The following SLC38A1 variants were observed in gnomAD, a reference collection of about 807,000 sequenced individuals.
SLC38A1 encodes sodium-coupled neutral amino acid symporter 1.
A neutral mutation model predicts 60.3 loss-of-function variants in SLC38A1; 18 were observed. The observed-to-expected ratio is 0.30, with a 90% CI of 0.21 to 0.44. SLC38A1 has a LOEUF of 0.44. SLC38A1 is among the 20% of genes least tolerant of loss of function. SLC38A1 has a pLI of 1.00. For missense variants in SLC38A1, 448 were observed against 587.2 expected (o/e 0.76, Z 2.45); for synonymous variants, 196 against 212.1 (o/e 0.92, Z 0.66).
intron 1 of SLC38A1, among the ~76,000 whole-genome samples, chr12:46,250,353 T>A (rs1941791806): frequency 1.3e-5 from 2 of 152,146 alleles, no homozygotes; most frequent in South Asian, 4.1e-4. Flanking sequence ...TAACAAGAGC[T>A]ATTTATGACA....
At chr12:46,249,566 T>A (rs1565792027) in intron 1 of SLC38A1, among the ~76,000 whole-genome samples, 2 of 152,100 alleles carry the variant, frequency 1.3e-5, no homozygotes, top group Non-Finnish European at 2.9e-5. Context: ...TTTGAAAAGA[T>A]CATCACAATT....
intron 16 of SLC38A1, chr12:46,197,506 C>CA (rs911108723): frequency 1.3e-3 from 513 of 409,824 alleles, no homozygotes; most frequent in East Asian, 2.5e-3. Context: ...GACTCCATCT[C>CA]AAAAAAAAAG....
intron 5 of SLC38A1, among the ~76,000 whole-genome samples, chr12:46,211,676 T>A (rs1940178255): frequency 6.6e-6 from 1 of 152,130 alleles, no homozygotes; most frequent in Admixed American, 6.5e-5. Flanking sequence ...TAGGGAAGAT[T>A]TTAGTAGTGT....
chr12:46,254,419 C>G (rs1941956574), intron 1 of SLC38A1, among the ~76,000 whole-genome samples: 1 of 152,206 alleles, frequency 6.6e-6, no homozygotes, highest in South Asian at 2.1e-4. Flanking sequence ...CTTTATTATA[C>G]TTGGCCTGAT....
At chr12:46,226,865 C>T (rs1304784910) in intron 5 of SLC38A1, among the ~76,000 whole-genome samples, 2 of 152,038 alleles carry the variant, frequency 1.3e-5, no homozygotes, top group African/African-American at 2.4e-5. Flanking sequence ...GGTGATCCAC[C>T]GGCCTCAGCC....
rs375584134 is a variant in SLC38A1, at chr12:46,203,042, C to T, written c.870G>A (p.Pro290=). 1.3e-5 allele frequency: 21 copies of T among 1,613,766 alleles called. No individual in the cohort carries two copies. The highest frequency in any genetic ancestry group is 4.5e-5 in the East Asian group (2 of 44,856). The change falls in exon 12 of 17, where the codon CCG becomes CCA. Residue 290 remains proline (P), a synonymous_variant. Coordinates refer to ENST00000398637, the MANE Select transcript of SLC38A1 (RefSeq NM_030674.4). ...GCTCACTGTAAATTGGCAGGACTGA[C>T]GGGTGGCAAACAAATGCAAATGCAA... ...PTIAFAFVCH[P]SVLPIYSELK...
chr12:46,265,097 T>G (rs1193795916), intron 1 of SLC38A1, among the ~76,000 whole-genome samples: 1 of 152,240 alleles, frequency 6.6e-6, no homozygotes, highest in Non-Finnish European at 1.5e-5. Flanking sequence ...ATGCTAACAC[T>G]ATACCAAATA....
intron 5 of SLC38A1, among the ~76,000 whole-genome samples, chr12:46,219,310 A>AAAAGAAACT (rs1940554021): frequency 6.6e-6 from 1 of 152,210 alleles, no homozygotes; most frequent in Admixed American, 6.5e-5. Flanking sequence ...AATTTTGCAA[A>AAAAGAAACT]GGCAGTTTCA....
chr12:46,211,240 A>G (rs1940157297), intron 5 of SLC38A1, among the ~76,000 whole-genome samples: 1 of 152,206 alleles, frequency 6.6e-6, no homozygotes, highest in African/African-American at 2.4e-5. Flanking sequence ...CTAGTGGAGT[A>G]AAATGAGTGA....
chr12:46,229,179 C>T lies in SLC38A1; in HGVS notation c.288G>A (p.Leu96=). ...GAAAAAGTAGGATTCCAGTGTTTGC[C>T]AGGGCAAAGGCGAGTCCCAAAATCC... is the stretch of plus-strand genomic sequence containing the variant. ...GSGILGLAFA[L]ANTGILLFLV... is the part of the protein sequence containing the mutation. Residue 96 remains leucine (L), a synonymous_variant, in exon 5 of 17, where the codon CTG becomes CTA. Coordinates refer to ENST00000398637, the MANE Select transcript of SLC38A1 (RefSeq NM_030674.4). 6.2e-7 allele frequency: 1 copy of T among 1,612,684 alleles called. No homozygotes were observed. The highest frequency in any genetic ancestry group is 8.5e-7 in the Non-Finnish European group (1 of 1,179,178).
chr12:46,234,462 T>G (rs1274745856), intron 3 of SLC38A1, among the ~76,000 whole-genome samples: 3 of 151,016 alleles, frequency 2.0e-5, no homozygotes, highest in Admixed American at 6.6e-5. Flanking sequence ...TTTTTTTTTT[T>G]GTTGAGACGG....
chr12:46,223,020 G>A (rs1565773071), intron 5 of SLC38A1, among the ~76,000 whole-genome samples: 2 of 152,090 alleles, frequency 1.3e-5, no homozygotes, highest in Admixed American at 1.3e-4. Context: ...CATTATATTG[G>A]AAAGTAAAAG....
chr12:46,265,551 T>C (rs1942326344), intron 1 of SLC38A1, among the ~76,000 whole-genome samples: 2 of 152,072 alleles, frequency 1.3e-5, no homozygotes, highest in South Asian at 4.1e-4. Flanking sequence ...AAAGAAAATA[T>C]CAAGAGAAAA....
intron 1 of SLC38A1, among the ~76,000 whole-genome samples, chr12:46,250,659 T>C (rs908849832): frequency 6.6e-6 from 1 of 152,154 alleles, no homozygotes; most frequent in African/African-American, 2.4e-5. Flanking sequence ...ACAAAATCAA[T>C]GTGCAAAAAT....
intron 1 of SLC38A1, among the ~76,000 whole-genome samples, chr12:46,261,467 G>T (rs1324121648): frequency 6.6e-6 from 1 of 152,154 alleles, no homozygotes; most frequent in Non-Finnish European, 1.5e-5. Flanking sequence ...GTAAACACAT[G>T]TTAACAATAA....
At chr12:46,234,134 T>G (rs923421194) in intron 3 of SLC38A1, among the ~76,000 whole-genome samples, 1 of 152,256 alleles carries the variant, frequency 6.6e-6, no homozygotes, top group African/African-American at 2.4e-5. Flanking sequence ...ATTTTTGGAC[T>G]GTGACCTACT....
intron 3 of SLC38A1, 68 bp from the exon 4 acceptor site, chr12:46,229,707 GAT>G: frequency 8.3e-6 from 11 of 1,323,212 alleles, no homozygotes; most frequent in South Asian, 4.7e-5. Flanking sequence ...TTTACTAAAT[GAT>G]ATGTTACTCA....
chr12:46,266,251 G>GA (rs1486074397), intron 1 of SLC38A1, among the ~76,000 whole-genome samples: 5 of 152,272 alleles, frequency 3.3e-5, no homozygotes, highest in East Asian at 3.9e-4. Context: ...GCATCACCCA[G>GA]AGTAAAGAAA....
chr12:46,247,311 T>C (rs1260129231), intron 1 of SLC38A1, among the ~76,000 whole-genome samples: 1 of 152,118 alleles, frequency 6.6e-6, no homozygotes, highest in Non-Finnish European at 1.5e-5. Flanking sequence ...AATGGCTAAC[T>C]AAAATAAACA....
Sources: gnomAD v4.1 joint callset for allele counts (sites outside exome capture counted in the v4.1 genomes callset) on GRCh38, gnomAD v4.1.1 for gene constraint, MANE v1.5 for transcripts, NCBI Gene and HGNC (gene_info 2026-07-23, HGNC 2026-07-21) for gene names.